The following FAM135A variants were observed in gnomAD, a reference collection of about 807,000 sequenced individuals.
FAM135A encodes the protein family with sequence similarity 135 member A.
FAM135A carries 79 observed loss-of-function variants against 146.8 expected under a neutral mutation model. The ratio of observed to expected loss-of-function variants is 0.54; its 90% CI spans 0.45 to 0.65. The LOEUF is 0.65. Among genes scored for constraint, FAM135A ranks in the 30% least tolerant of loss-of-function variants. The pLI is 0.00. For missense variants in FAM135A, 1,623 were observed against 1,758.2 expected, an observed-to-expected ratio of 0.92 and a Z score of 1.38; for synonymous variants, 562 against 603.6, an observed-to-expected ratio of 0.93 and a Z score of 1.01.
At chr6:70,547,061 C>G (rs974850957) in intron 20 of FAM135A, among the ~76,000 whole-genome samples, 6 of 152,086 alleles carry the variant, frequency 3.9e-5, no homozygotes, top group African/African-American at 1.4e-4. Flanking sequence ...GTTGGAATTT[C>G]AAAAACAATA....
At chr6:70,523,310 A>C (rs1393559271) in intron 13 of FAM135A, among the ~76,000 whole-genome samples, 1 of 152,136 alleles carries the variant, frequency 6.6e-6, no homozygotes, top group Admixed American at 6.5e-5. Context: ...ATGCATATAA[A>C]TTATACCACA....
chr6:70,542,068 C>A (rs905351125), intron 20 of FAM135A, among the ~76,000 whole-genome samples: 1 of 152,126 alleles, frequency 6.6e-6, no homozygotes, highest in African/African-American at 2.4e-5. Flanking sequence ...CCTCGTTAGA[C>A]GAAATGATCA....
chr6:70,546,768 A>G (rs1427054140), intron 20 of FAM135A, among the ~76,000 whole-genome samples: 2 of 152,220 alleles, frequency 1.3e-5, no homozygotes, highest in Non-Finnish European at 2.9e-5. Flanking sequence ...TTAAATTTTT[A>G]TAGCAACTTT....
chr6:70,457,818 G>C (rs928417740), intron 5 of FAM135A, among the ~76,000 whole-genome samples: 1 of 152,128 alleles, frequency 6.6e-6, no homozygotes, highest in South Asian at 2.1e-4. Context: ...ATGACAAACT[G>C]TGTCAGAAAT....
intron 20 of FAM135A, among the ~76,000 whole-genome samples, chr6:70,556,244 A>G (rs910273569): frequency 2.0e-5 from 3 of 152,098 alleles, no homozygotes; most frequent in African/African-American, 4.8e-5. Context: ...GTGAGACTCT[A>G]TCTCAAAAAA....
rs528758323 is a variant in FAM135A, at chr6:70,519,081, A to G, written c.1030-3432A>G. On this transcript the variant is annotated intron_variant, in intron 12 of 21. Coordinates refer to ENST00000418814, the MANE Select transcript of FAM135A (RefSeq NM_001162529.3). ...CACCGTTGTAGATGCCATTAAGAAC[A>G]TTCATGATTCAAGGAAGGAGGTCAA... is the stretch of plus-strand genomic sequence containing the variant. 1.5e-3 allele frequency among the ~76,000 whole-genome samples: 225 copies of G among 152,340 alleles called. 8 individuals are homozygous for G. The South Asian group carries it at 0.046, about 31-fold the overall frequency.
intron 12 of FAM135A, chr6:70,504,409 C>T (rs986661527): frequency 6.6e-6 from 1 of 151,906 alleles, no homozygotes; most frequent in Non-Finnish European, 1.5e-5. Flanking sequence ...TTATTATTTT[C>T]ATTGACTTTA....
At chr6:70,536,995 G>C (rs1796910124) in intron 19 of FAM135A, among the ~76,000 whole-genome samples, 1 of 150,360 alleles carries the variant, frequency 6.7e-6, no homozygotes, top group East Asian at 2.0e-4. Context: ...GAGTGCAGTG[G>C]CGCGATCTCG....
chr6:70,508,559 G>C (rs1016101333), intron 12 of FAM135A, among the ~76,000 whole-genome samples: 1 of 152,168 alleles, frequency 6.6e-6, no homozygotes, highest in African/African-American at 2.4e-5. Flanking sequence ...TTGCAGATCA[G>C]AGAGCCAGAT....
intron 4 of FAM135A, among the ~76,000 whole-genome samples, chr6:70,446,606 G>A (rs570874865): frequency 2.0e-5 from 3 of 152,164 alleles, no homozygotes; most frequent in Non-Finnish European, 4.4e-5. Flanking sequence ...GATTATGGGA[G>A]CATTTTTATT....
At chr6:70,448,441 G>A (rs1189186475) in intron 4 of FAM135A, among the ~76,000 whole-genome samples, 5 of 152,050 alleles carry the variant, frequency 3.3e-5, no homozygotes, top group African/African-American at 9.7e-5. Context: ...TACTCACCAC[G>A]GGGTTGGCTT....
At chr6:70,478,844 C>T (rs1783134203) in intron 8 of FAM135A, among the ~76,000 whole-genome samples, 1 of 151,956 alleles carries the variant, frequency 6.6e-6, no homozygotes, top group Non-Finnish European at 1.5e-5. Context: ...TTATTACATA[C>T]ATAATTTTAT....
rs1208103556 is a variant in FAM135A, at chr6:70,475,829, C to G, written c.368+96C>G. ...TTTCCTCTTAAAATTCATCCTATCC[C>G]TATCTTGTCTTGAACTACTTGTGTT... is the stretch of plus-strand genomic sequence containing the variant. On this transcript the variant is annotated intron_variant, in intron 7 of 21. Coordinates refer to ENST00000418814, the MANE Select transcript of FAM135A (RefSeq NM_001162529.3). The G allele has an allele frequency of 3.1e-6, 3 of 956,006 alleles. No individual in the cohort carries two copies. The African/African-American group carries it at 5.0e-5, about 16-fold the overall frequency. The allele number at this position is 956,006 out of a possible 1,614,324, so 59.2% of individuals were successfully genotyped here.
In FAM135A at chr6:70,560,004, A is replaced by G. The variant is rs978521537; in HGVS notation, c.*83A>G. 2 of 1,100,872 alleles carry G rather than the reference A, an allele frequency of 1.8e-6. No homozygotes were observed. The highest frequency in any genetic ancestry group is 2.6e-6 in the Non-Finnish European group (2 of 772,074). The allele number at this position is 1,100,872 out of a possible 1,614,324, so 68.2% of individuals were successfully genotyped here. A position where few individuals can be genotyped will look rare whatever the true frequency, so the allele number is the denominator to read the frequency against. On this transcript the variant is annotated 3_prime_UTR_variant, in exon 22 of 22. Coordinates refer to ENST00000418814, the MANE Select transcript of FAM135A (RefSeq NM_001162529.3). ...GTATTATATTAAAATGTAGATGCTG[A>G]TAAGTTCTAAGAAATATTTATACCT...
intron 10 of FAM135A, among the ~76,000 whole-genome samples, chr6:70,489,353 A>G (rs984363559): frequency 6.6e-6 from 1 of 152,158 alleles, no homozygotes; most frequent in African/African-American, 2.4e-5. Flanking sequence ...AAGTTGGCCA[A>G]ATTAGTGATC....
chr6:70,453,761 T>G (rs1777648002), intron 5 of FAM135A, among the ~76,000 whole-genome samples: 1 of 152,234 alleles, frequency 6.6e-6, no homozygotes, highest in South Asian at 2.1e-4. Flanking sequence ...TTTTTATGGC[T>G]GCATAGTATT....
chr6:70,528,203 T>G, intron 15 of FAM135A, 89 bp from the exon 16 acceptor site: 8 of 1,286,962 alleles, frequency 6.2e-6, no homozygotes, highest in Non-Finnish European at 7.3e-6. Context: ...TATTGTTGGG[T>G]TTCCACTTCT....
chr6:70,432,065 C>G, intron 4 of FAM135A, among the ~76,000 whole-genome samples: 1 of 152,136 alleles, frequency 6.6e-6, no homozygotes, highest in East Asian at 1.9e-4. Context: ...TTACCTCATA[C>G]AATTTTAACA....
chr6:70,475,405 T>TTTAG lies in FAM135A; in HGVS notation c.158-4_158-1dup. The TTTAG allele has an allele frequency of 1.9e-6, 3 of 1,567,168 alleles. No homozygotes were observed. The highest frequency in any genetic ancestry group is 2.6e-6 in the Non-Finnish European group (3 of 1,158,070). On this transcript the variant is annotated splice_region_variant and splice_polypyrimidine_tract_variant and intron_variant, in intron 5 of 21. Coordinates refer to ENST00000418814, the MANE Select transcript of FAM135A (RefSeq NM_001162529.3). Reference sequence around the variant, plus strand: ...TCTGTCAATTACATATCTTATCTGTTTTAGGTATGACTTTAGCCTTTCCAG... The same window carrying TTTAG: ...TCTGTCAATTACATATCTTATCTGTTTTAGTTAGGTATGACTTTAGCCTTTCCAG...
Sources: gnomAD v4.1 joint callset for allele counts (sites outside exome capture counted in the v4.1 genomes callset) on GRCh38, gnomAD v4.1.1 for gene constraint, MANE v1.5 for transcripts, NCBI Gene and HGNC (gene_info 2026-07-23, HGNC 2026-07-21) for gene names.